The following GSPT1 variants were observed in gnomAD, a reference collection of about 807,000 sequenced individuals.
GSPT1 encodes the protein eukaryotic peptide chain release factor GTP-binding subunit ERF3A.
A neutral mutation model predicts 72.5 loss-of-function variants in GSPT1; 20 were observed. The ratio of observed to expected loss-of-function variants is 0.28; its 90% CI spans 0.19 to 0.40. The LOEUF is 0.40. GSPT1 is among the 10% of genes least tolerant of loss of function. The probability of loss-of-function intolerance (pLI) is 1.00; values close to 1 mark genes in which losing one functional copy is unlikely to be tolerated. For missense variants in GSPT1, 580 were observed against 811.9 expected (o/e 0.71, Z 3.47); for synonymous variants, 334 against 293.5 (o/e 1.14, Z -1.41).
intron 1 of GSPT1, among the ~76,000 whole-genome samples, chr16:11,907,590 G>A (rs7184515): frequency 6.7e-6 from 1 of 150,178 alleles, no homozygotes; most frequent in Non-Finnish European, 1.5e-5. Flanking sequence ...GTAGTAATTA[G>A]CTCCAGGCAT....
At chr16:11,884,878 C>T (rs986913787) in intron 10 of GSPT1, among the ~76,000 whole-genome samples, 2 of 151,606 alleles carry the variant, frequency 1.3e-5, no homozygotes, top group Non-Finnish European at 2.9e-5. Context: ...ACCATCCTGG[C>T]TGACACAGTG....
intron 6 of GSPT1, among the ~76,000 whole-genome samples, chr16:11,888,590 C>A (rs989206644): frequency 2.0e-5 from 3 of 151,868 alleles, no homozygotes; most frequent in African/African-American, 7.3e-5. Context: ...GGTGAGACCC[C>A]ATCTCTACTA....
At chr16:11,889,329 CTTTTTTTTTTTTTTT>C (rs902991145) in intron 6 of GSPT1, among the ~76,000 whole-genome samples, 15 of 60,040 alleles carry the variant, frequency 2.5e-4, no homozygotes, top group Non-Finnish European at 3.5e-4. Flanking sequence ...CCCTCTTCTT[CTTTTTTTTTTTTTTT>C]TTTTTTTTTT....
At chr16:11,886,249 A>G (rs2054185509) in intron 9 of GSPT1, among the ~76,000 whole-genome samples, 1 of 152,228 alleles carries the variant, frequency 6.6e-6, no homozygotes, top group Non-Finnish European at 1.5e-5. Context: ...AGTATTAAAA[A>G]GAACTCTTAG....
chr16:11,892,506 C>CAAA (rs777010436), intron 5 of GSPT1, among the ~76,000 whole-genome samples: 713 of 60,080 alleles, frequency 0.012, 65 homozygotes, highest in African/African-American at 0.046. Flanking sequence ...GACCCTTTCT[C>CAAA]AAAAAAACAA....
intron 5 of GSPT1, among the ~76,000 whole-genome samples, chr16:11,894,570 A>AT (rs1298731056): frequency 6.6e-6 from 1 of 152,146 alleles, no homozygotes; most frequent in Non-Finnish European, 1.5e-5. Context: ...TTCTGTGTTC[A>AT]TTTTTTATTT....
chr16:11,901,160 AAAT>A (rs1461105116), intron 1 of GSPT1, among the ~76,000 whole-genome samples: 1 of 152,140 alleles, frequency 6.6e-6, no homozygotes, highest in African/African-American at 2.4e-5. Context: ...CTGTCTCAAA[AAAT>A]AAAAATAAAA....
intron 6 of GSPT1, among the ~76,000 whole-genome samples, chr16:11,887,995 C>T (rs2054205226): frequency 6.6e-6 from 1 of 151,980 alleles, no homozygotes; most frequent in South Asian, 2.1e-4. Context: ...AGCCCTGTCT[C>T]TACCGAAAAT....
intron 9 of GSPT1, 101 bp from the exon 10 acceptor site, chr16:11,885,375 T>C: frequency 3.0e-6 from 2 of 663,116 alleles, no homozygotes; most frequent in Admixed American, 2.2e-5. Context: ...TTCATTCTAC[T>C]CATGTATTCT....
intron 6 of GSPT1, among the ~76,000 whole-genome samples, chr16:11,888,149 C>T (rs1050949379): frequency 1.3e-5 from 2 of 149,448 alleles, no homozygotes; most frequent in African/African-American, 4.9e-5. Flanking sequence ...AGCAAGGCTC[C>T]GTCTCAAAAG....
At chr16:11,873,898 CT>C (rs2054007223) in intron 14 of GSPT1, among the ~76,000 whole-genome samples, 1 of 152,104 alleles carries the variant, frequency 6.6e-6, no homozygotes, top group Admixed American at 6.6e-5. Flanking sequence ...CAAAAAACCT[CT>C]TTGGATTAAA....
chr16:11,915,030 G>C (rs1188448155), intron 1 of GSPT1: 3 of 1,290,206 alleles, frequency 2.3e-6, no homozygotes, highest in South Asian at 2.5e-5. Context: ...TCTGCGCCTC[G>C]TGGCAGGGAT....
chr16:11,892,517 A>AAAAT lies in GSPT1; in HGVS notation c.699-1379_699-1378insATTT, dbSNP rs1199617489. ...GGGAGACCCTTTCTCAAAAAAACAA[A>AAAAT]AAAAACAAAAAAAACAAAAAATAAA... is the stretch of plus-strand genomic sequence containing the variant. On this transcript the variant is annotated intron_variant, in intron 5 of 14. Transcript: ENST00000434724. Among the ~76,000 whole-genome samples the AAAAT allele has an allele frequency of 2.1e-3, 260 of 124,336 alleles. 15 individuals are homozygous for AAAAT. The highest frequency in any genetic ancestry group is 9.1e-3 in the African/African-American group (244 of 26,754). 81.6% of individuals were successfully genotyped at this position (124,336 alleles called of 152,430 possible). A position where few individuals can be genotyped will look rare whatever the true frequency, so the allele number is the denominator to read the frequency against.
intron 5 of GSPT1, among the ~76,000 whole-genome samples, chr16:11,893,961 C>G (rs924088851): frequency 6.6e-6 from 1 of 151,616 alleles, no homozygotes; most frequent in African/African-American, 2.4e-5. Context: ...TCAAGACCAG[C>G]CTGGGCAATA....
chr16:11,899,597 A>AACGCATTT (rs1357130016), intron 1 of GSPT1, among the ~76,000 whole-genome samples: 1 of 152,162 alleles, frequency 6.6e-6, no homozygotes, highest in Admixed American at 6.6e-5. Flanking sequence ...ACAGGGGGGA[A>AACGCATTT]ACGCATTTGA....
intron 14 of GSPT1, among the ~76,000 whole-genome samples, chr16:11,875,139 A>G (rs2054029866): frequency 6.6e-6 from 1 of 152,156 alleles, no homozygotes; most frequent in African/African-American, 2.4e-5. Context: ...CAGTGAGCCA[A>G]GATGGTGCCA....
intron 1 of GSPT1, chr16:11,908,347 G>A (rs2054513202): frequency 6.6e-6 from 1 of 152,134 alleles, no homozygotes; most frequent in Admixed American, 6.6e-5. Flanking sequence ...AAACAGCCGG[G>A]TGCGGTGGCT....
chr16:11,903,369 G>A (rs74585622), intron 1 of GSPT1, among the ~76,000 whole-genome samples: 93 of 152,136 alleles, frequency 6.1e-4, no homozygotes, highest in African/African-American at 2.2e-3. Flanking sequence ...AATTAGCCAG[G>A]GTGATGACAG....
rs1055874157 is a variant in GSPT1, at chr16:11,898,020, G to A, written c.368C>T (p.Ser123Phe). The change falls in exon 2 of 15, where the codon TCT (serine) becomes TTT (phenylalanine). Residue 123 changes from serine (S) to phenylalanine (F), a missense_variant. Physicochemically the swap from Ser to Phe is radical, Grantham distance 155. Transcript: ENST00000434724. ...TTCACACAATGACTGTTCCTCTTGAGAGGATTCCACAGGTGCTGTTTAACA... is the reference window on the plus strand; with the variant it reads ...TTCACACAATGACTGTTCCTCTTGAAAGGATTCCACAGGTGCTGTTTAACA... ...AGGRAAPVES[S>F]QEEQSLCEGS... 2.1e-5 allele frequency: 33 copies of A among 1,549,120 alleles called. No homozygotes were observed. The highest frequency in any genetic ancestry group is 2.9e-5 in the Non-Finnish European group (33 of 1,143,016).
Sources: allele counts gnomAD v4.1 joint callset (sites outside exome capture counted in the v4.1 genomes callset), GRCh38; gene constraint gnomAD v4.1.1; transcripts MANE v1.5; gene names NCBI Gene and HGNC (gene_info 2026-07-23, HGNC 2026-07-21).